PCDH15: variants seen among roughly 807,000 people sequenced by gnomAD.
PCDH15 encodes protocadherin related 15, also known as protocadherin-15.
Under a neutral mutation model 178.5 loss-of-function variants are expected in PCDH15, and 129 were observed. The ratio of observed to expected loss-of-function variants is 0.72; its 90% CI spans 0.63 to 0.84. The LOEUF (loss-of-function observed/expected upper bound fraction) is 0.84. PCDH15 is among the 40% of genes least tolerant of loss of function. PCDH15 has a pLI of 0.00. For missense variants in PCDH15, 2,230 were observed against 2,099.9 expected (o/e 1.06, Z -1.21); for synonymous variants, 800 against 732.0 (o/e 1.09, Z -1.50).
chr10:54,202,297 C>T (rs760993622), intron 10 of PCDH15, among the ~76,000 whole-genome samples: 6 of 149,930 alleles, frequency 4.0e-5, no homozygotes, highest in East Asian at 2.0e-4. Context: ...GGCCAATTTT[C>T]GCAAACATTA....
chr10:54,776,727 G>A (rs1016880070), intron 1 of PCDH15, among the ~76,000 whole-genome samples: 9 of 152,140 alleles, frequency 5.9e-5, no homozygotes, highest in Non-Finnish European at 1.2e-4. Context: ...CCTGAAGGAA[G>A]GCTTGGTTTT....
At chr10:54,337,151 T>G (rs541663733) in intron 6 of PCDH15, among the ~76,000 whole-genome samples, 73 of 152,022 alleles carry the variant, frequency 4.8e-4, no homozygotes, top group Admixed American at 2.2e-3. Context: ...GTACCCCCAT[T>G]TTATCTAGGA....
At chr10:54,964,820 CA>C (rs1271523843) in intron 2 of PCDH15, among the ~76,000 whole-genome samples, 1 of 152,106 alleles carries the variant, frequency 6.6e-6, no homozygotes, top group Non-Finnish European at 1.5e-5. Context: ...CCCTGAACCA[CA>C]AGGTGGAAAA....
chr10:54,061,499 A>AT (rs895497377), intron 18 of PCDH15, among the ~76,000 whole-genome samples: 2 of 151,748 alleles, frequency 1.3e-5, no homozygotes, highest in Non-Finnish European at 2.9e-5. Context: ...TTCATATTAC[A>AT]TTTTTTTGGC....
rs538547390 is a variant in PCDH15, at chr10:54,718,191, G to A, written c.-28-53901C>T. Among the ~76,000 whole-genome samples the A allele has an allele frequency of 9.9e-5, 15 of 150,810 alleles. 1 individual carries two copies. Among genetic ancestry groups the A allele is most frequent in the Admixed American group, 9.3e-4 (14 of 15,026 alleles). On this transcript the variant is annotated intron_variant, in intron 1 of 37. Transcript: ENST00000644397. ...ACGAGTTAGTGGGTGCAGCGCACCAGCATGTCACATGTATACATAGGTAAC... is the reference window on the plus strand; with the variant it reads ...ACGAGTTAGTGGGTGCAGCGCACCAACATGTCACATGTATACATAGGTAAC...
intron 15 of PCDH15, among the ~76,000 whole-genome samples, chr10:54,090,503 G>T (rs1458045865): frequency 1.3e-5 from 2 of 151,894 alleles, no homozygotes; most frequent in African/African-American, 4.8e-5. Flanking sequence ...AGTTACCCGG[G>T]TGCAGTGGTG....
intron 3 of PCDH15, among the ~76,000 whole-genome samples, chr10:54,522,036 C>T (rs1488675144): frequency 7.7e-6 from 1 of 129,608 alleles, no homozygotes; most frequent in East Asian, 2.3e-4. Flanking sequence ...TGCAGTGAGC[C>T]AAGATCACGC....
chr10:54,265,797 A>G (rs970207703), intron 8 of PCDH15, among the ~76,000 whole-genome samples: 1 of 152,096 alleles, frequency 6.6e-6, no homozygotes, highest in Non-Finnish European at 1.5e-5. Flanking sequence ...TAGACCTAAG[A>G]AAAGATGTAG....
intron 1 of PCDH15, among the ~76,000 whole-genome samples, chr10:55,308,484 T>C (rs1843489273): frequency 6.6e-6 from 1 of 152,202 alleles, no homozygotes; most frequent in South Asian, 2.1e-4. Context: ...GTTAATCTCA[T>C]TATTTTGAGT....
intron 25 of PCDH15, among the ~76,000 whole-genome samples, chr10:53,914,713 T>C (rs1357765258): frequency 6.6e-6 from 1 of 152,052 alleles, no homozygotes; most frequent in Non-Finnish European, 1.5e-5. Context: ...TGTATACCTA[T>C]GTAACAAACA....
intron 8 of PCDH15, among the ~76,000 whole-genome samples, chr10:54,298,952 A>G (rs1247975671): frequency 6.6e-6 from 1 of 152,234 alleles, no homozygotes; most frequent in Non-Finnish European, 1.5e-5. Flanking sequence ...TGCAATATGG[A>G]AAGAAAGGGA....
intron 35 of PCDH15, among the ~76,000 whole-genome samples, chr10:53,815,805 T>A (rs1008497138): frequency 6.6e-6 from 1 of 152,102 alleles, no homozygotes; most frequent in Non-Finnish European, 1.5e-5. Context: ...TGGTAATATA[T>A]GTGTCCAAAA....
intron 25 of PCDH15, among the ~76,000 whole-genome samples, chr10:53,912,913 A>T (rs759995314): frequency 1.3e-5 from 2 of 152,148 alleles, no homozygotes; most frequent in Non-Finnish European, 2.9e-5. Context: ...TCGGCCAATG[A>T]CTTTCTTCAC....
intron 1 of PCDH15, among the ~76,000 whole-genome samples, chr10:55,287,282 G>A (rs1242690268): frequency 2.6e-5 from 4 of 151,898 alleles, no homozygotes; most frequent in East Asian, 1.9e-4. Flanking sequence ...ATTTTACAAC[G>A]AGACTTTGTT....
chr10:55,407,241 A>G (rs1447543408), intron 2 of PCDH15, among the ~76,000 whole-genome samples: 1 of 152,184 alleles, frequency 6.6e-6, no homozygotes, highest in Admixed American at 6.5e-5. Context: ...TAGAAAAAAT[A>G]ACTGTATATT....
At chr10:54,160,126 C>T (rs2045561018) in intron 13 of PCDH15, among the ~76,000 whole-genome samples, 1 of 152,098 alleles carries the variant, frequency 6.6e-6, no homozygotes, top group African/African-American at 2.4e-5. Context: ...CTAAGTGACT[C>T]ATGGGCAGGG....
chr10:54,353,964 T>G (rs1944563557), intron 5 of PCDH15, among the ~76,000 whole-genome samples: 1 of 152,180 alleles, frequency 6.6e-6, no homozygotes, highest in African/African-American at 2.4e-5. Flanking sequence ...AATATACATA[T>G]GAGCTTATTT....
chr10:54,655,518 T>C (rs1459531595), intron 2 of PCDH15: 1 of 152,080 alleles, frequency 6.6e-6, no homozygotes, highest in African/African-American at 2.4e-5. Flanking sequence ...TGGGCTTCTA[T>C]TTATCAGTAC....
chr10:55,275,593 G>T (rs547100220), intron 1 of PCDH15, among the ~76,000 whole-genome samples: 2 of 151,220 alleles, frequency 1.3e-5, no homozygotes, highest in Non-Finnish European at 3.0e-5. Context: ...GTTGGTATTT[G>T]TATATTCTTT....
Sources: gnomAD v4.1 joint callset for allele counts (sites outside exome capture counted in the v4.1 genomes callset) on GRCh38, gnomAD v4.1.1 for gene constraint, MANE v1.5 for transcripts, NCBI Gene and HGNC (gene_info 2026-07-23, HGNC 2026-07-21) for gene names.